MAPK8: variants seen among roughly 807,000 people sequenced by gnomAD.
The protein encoded by MAPK8 is mitogen-activated protein kinase 8, also known as JUN N-terminal kinase.
Under a neutral mutation model 52.9 loss-of-function variants are expected in MAPK8, and 13 were observed. The ratio of observed to expected loss-of-function variants is 0.25; its 90% CI spans 0.16 to 0.39. The LOEUF (loss-of-function observed/expected upper bound fraction) is 0.39. Among genes scored for constraint, MAPK8 ranks in the 10% least tolerant of loss-of-function variants. MAPK8 has a pLI of 1.00. For synonymous variants in MAPK8, 191 were observed against 169.8 expected (o/e 1.12, Z -0.97); for missense variants, 300 against 519.2 (o/e 0.58, Z 4.10).
intron 1 of MAPK8, among the ~76,000 whole-genome samples, chr10:48,318,311 C>G (rs1842692144): frequency 6.6e-6 from 1 of 152,166 alleles, no homozygotes; most frequent in African/African-American, 2.4e-5. Flanking sequence ...AGATATTAAT[C>G]ACATCTACAA....
At chr10:48,375,205 A>G (rs1414573693) in intron 1 of MAPK8, among the ~76,000 whole-genome samples, 1 of 152,202 alleles carries the variant, frequency 6.6e-6, no homozygotes, top group African/African-American at 2.4e-5. Flanking sequence ...CATGCTAAAT[A>G]CTCTCAATAA....
chr10:48,309,713 T>C (rs1029672275), intron 1 of MAPK8, among the ~76,000 whole-genome samples: 1 of 152,228 alleles, frequency 6.6e-6, no homozygotes, highest in Non-Finnish European at 1.5e-5. Context: ...CTTGTTGGTC[T>C]GCTTTGCCAG....
chr10:48,330,337 G>T (rs1487890404), intron 1 of MAPK8, among the ~76,000 whole-genome samples: 1 of 152,166 alleles, frequency 6.6e-6, no homozygotes, highest in Non-Finnish European at 1.5e-5. Context: ...TGTTTCAGGG[G>T]TTCTCTGAAG....
chr10:48,413,858 T>TATATATATATATATATAACA (rs1444968579), intron 5 of MAPK8, among the ~76,000 whole-genome samples: 1 of 133,648 alleles, frequency 7.5e-6, no homozygotes, highest in Non-Finnish European at 1.6e-5. Flanking sequence ...TATATATATA[T>TATATATATATATATATAACA]ATTCAGAAAT....
chr10:48,312,263 G>C (rs1206681630), intron 1 of MAPK8, among the ~76,000 whole-genome samples: 1 of 152,006 alleles, frequency 6.6e-6, no homozygotes, highest in Non-Finnish European at 1.5e-5. Flanking sequence ...AATACAACAG[G>C]GTATCAAAAT....
intron 1 of MAPK8, among the ~76,000 whole-genome samples, chr10:48,340,921 C>T (rs960200555): frequency 2.0e-5 from 3 of 152,172 alleles, no homozygotes; most frequent in African/African-American, 7.2e-5. Flanking sequence ...TTGGTGTGAC[C>T]CTTTCTGCAC....
At chr10:48,354,155 TAA>T (rs528008393) in intron 1 of MAPK8, among the ~76,000 whole-genome samples, 3,054 of 152,102 alleles carry the variant, frequency 0.02, 93 homozygotes, top group African/African-American at 0.068. Context: ...ATTTCAAAAT[TAA>T]AAAAAAATTT....
At chr10:48,315,334 A>G (rs1201084104) in intron 1 of MAPK8, among the ~76,000 whole-genome samples, 2 of 152,210 alleles carry the variant, frequency 1.3e-5, no homozygotes, top group African/African-American at 4.8e-5. Context: ...GTGCAATCCC[A>G]GATCAAAATA....
At chr10:48,408,733 A>G (rs2042594355) in intron 3 of MAPK8, among the ~76,000 whole-genome samples, 1 of 152,216 alleles carries the variant, frequency 6.6e-6, no homozygotes, top group Non-Finnish European at 1.5e-5. Context: ...AGCTCAGGCC[A>G]CCATAACAAA....
intron 1 of MAPK8, among the ~76,000 whole-genome samples, chr10:48,384,127 C>T (rs1407257796): frequency 6.6e-6 from 1 of 152,190 alleles, no homozygotes; most frequent in Non-Finnish European, 1.5e-5. Flanking sequence ...TAGCGGGCAC[C>T]TGTAATCCCA....
chr10:48,366,690 TA>T, intron 1 of MAPK8, among the ~76,000 whole-genome samples: 1 of 152,046 alleles, frequency 6.6e-6, no homozygotes, highest in East Asian at 1.9e-4. Context: ...TCTATTTCAC[TA>T]AAAAAAATTC....
At chr10:48,391,563 C>G (rs2041626984) in intron 1 of MAPK8, among the ~76,000 whole-genome samples, 1 of 152,168 alleles carries the variant, frequency 6.6e-6, no homozygotes, top group Non-Finnish European at 1.5e-5. Flanking sequence ...GTTCTCTCAA[C>G]ACAACAATCA....
chr10:48,331,589 C>T (rs867541654), intron 1 of MAPK8, among the ~76,000 whole-genome samples: 3 of 152,166 alleles, frequency 2.0e-5, no homozygotes, highest in South Asian at 2.1e-4. Flanking sequence ...GGGGACCTTC[C>T]CAGCTTGGGT....
intron 6 of MAPK8, among the ~76,000 whole-genome samples, chr10:48,420,645 G>C (rs1421223394): frequency 2.6e-5 from 4 of 152,144 alleles, no homozygotes. Context: ...TCTCAGGGAT[G>C]TATAGTGTAC....
At chr10:48,345,107 A>G (rs1845646933) in intron 1 of MAPK8, among the ~76,000 whole-genome samples, 1 of 152,214 alleles carries the variant, frequency 6.6e-6, no homozygotes, top group African/African-American at 2.4e-5. Context: ...ATTAAACAGA[A>G]AGGATCATTT....
In MAPK8 at chr10:48,326,271, T is replaced by A. The variant is rs139095373; in HGVS notation, c.-50+19450T>A. 1.6e-4 allele frequency among the ~76,000 whole-genome samples: 25 copies of A among 152,382 alleles called. No homozygotes were observed. The East Asian group carries it at 4.8e-3, about 29-fold the overall frequency. The stretch of plus-strand genomic sequence containing the variant: ...GGACTCATGGTTGCTTATTTTATAC[T>A]TTGGGTTATAGTCCAATACTATTAA... On this transcript the variant is annotated intron_variant, in intron 1 of 11. Coordinates refer to ENST00000374189, the MANE Select transcript of MAPK8 (RefSeq NM_001323329.2).
rs544623491 is a variant in MAPK8, at chr10:48,412,277, C to G, written c.450+2109C>G. Among the ~76,000 whole-genome samples, 127 of 152,326 alleles carry G rather than the reference C, an allele frequency of 8.3e-4. 1 individual carries two copies. The highest frequency in any genetic ancestry group is 3.4e-3 in the Middle Eastern group (1 of 294). ...CACCTCTCTTGCTGCTCTCAAGATG[C>G]CTTTTTGTCTTTCGCTTTCAACAGT... On this transcript the variant is annotated intron_variant, in intron 5 of 11. Transcript: ENST00000374189.
chr10:48,383,790 C>T (rs1378145430), intron 1 of MAPK8, among the ~76,000 whole-genome samples: 2 of 152,194 alleles, frequency 1.3e-5, no homozygotes, highest in African/African-American at 2.4e-5. Flanking sequence ...AATTTAAATA[C>T]ATTTCTCTCT....
At chr10:48,410,320 C>A in intron 5 of MAPK8, 152 bp downstream of exon 5, 1 of 527,588 alleles carries the variant, frequency 1.9e-6, no homozygotes, top group Non-Finnish European at 3.0e-6. Context: ...TTTCATTACC[C>A]CCAAAAAAGT....
Sources: allele counts gnomAD v4.1 joint callset (sites outside exome capture counted in the v4.1 genomes callset), GRCh38; gene constraint gnomAD v4.1.1; transcripts MANE v1.5; gene names NCBI Gene and HGNC (gene_info 2026-07-23, HGNC 2026-07-21).